MIPOL1: variants seen among roughly 807,000 people sequenced by gnomAD.
MIPOL1 encodes the protein mirror-image polydactyly 1.
MIPOL1 carries 57 observed loss-of-function variants against 60.9 expected under a neutral mutation model. The observed-to-expected ratio is 0.94, with a 90% confidence interval of 0.76 to 1.17. MIPOL1 has a LOEUF of 1.17. Among genes scored for constraint, MIPOL1 ranks in the 50% most tolerant of loss-of-function variants. MIPOL1 has a pLI of 0.00. For missense variants in MIPOL1, 551 were observed against 511.6 expected (o/e 1.08, Z -0.74); for synonymous variants, 179 against 168.8 (o/e 1.06, Z -0.47).
chr14:37,527,840 A>AAT (rs1021852020), intron 12 of MIPOL1, among the ~76,000 whole-genome samples: 18 of 152,038 alleles, frequency 1.2e-4, no homozygotes, highest in African/African-American at 2.9e-4. Context: ...AAACCTGCCT[A>AAT]ATATATATAT....
intron 12 of MIPOL1, among the ~76,000 whole-genome samples, chr14:37,508,508 T>C (rs2095299774): frequency 6.6e-6 from 1 of 152,170 alleles, no homozygotes; most frequent in Non-Finnish European, 1.5e-5. Context: ...TGAAAATAAA[T>C]AAAGACCTTC....
chr14:37,356,486 G>A (rs1474004345), intron 9 of MIPOL1, among the ~76,000 whole-genome samples: 2 of 152,160 alleles, frequency 1.3e-5, no homozygotes, highest in African/African-American at 4.8e-5. Flanking sequence ...CTGGGCAATG[G>A]CGGGCGCCCC....
chr14:37,463,419 C>T (rs1204518195), intron 11 of MIPOL1, among the ~76,000 whole-genome samples: 2 of 152,058 alleles, frequency 1.3e-5, no homozygotes, highest in Admixed American at 1.3e-4. Context: ...ACATATAGAT[C>T]AATGGAACAG....
At chr14:37,427,466 T>A (rs979439113) in intron 11 of MIPOL1, among the ~76,000 whole-genome samples, 2 of 152,096 alleles carry the variant, frequency 1.3e-5, no homozygotes, top group African/African-American at 4.8e-5. Context: ...TAGAGTGGGA[T>A]GATGAAAAGT....
chr14:37,551,877 A>AAATAATAATAATAATAAT (rs58440952), downstream of MIPOL1: 1 of 140,732 alleles, frequency 7.1e-6, no homozygotes, highest in Non-Finnish European at 1.5e-5. Context: ...AGACTGTCTC[A>AAATAATAATAATAATAAT]AATAATAATA....
At chr14:37,233,769 A>G (rs975778169) in intron 1 of MIPOL1, among the ~76,000 whole-genome samples, 1 of 152,090 alleles carries the variant, frequency 6.6e-6, no homozygotes, top group Non-Finnish European at 1.5e-5. Context: ...TTTTCTAGGC[A>G]TTTTTCTGCT....
rs770591815 is a variant in MIPOL1, at chr14:37,205,102, G to C, written c.-199+6998G>C. On this transcript the variant is annotated intron_variant, in intron 1 of 12. Transcript: ENST00000684589. ...TGATTTAAGATATCTGATGGAATAAGTTTTTTGTTTTTTTTTTTGAGACGG... is the reference window on the plus strand; with the variant it reads ...TGATTTAAGATATCTGATGGAATAACTTTTTTGTTTTTTTTTTTGAGACGG... 2.6e-5 allele frequency among the ~76,000 whole-genome samples: 4 copies of C among 151,766 alleles called. 1 individual carries two copies. The highest frequency in any genetic ancestry group is 5.9e-5 in the Non-Finnish European group (4 of 67,846).
At chr14:37,216,240 T>C (rs1967674398) in intron 1 of MIPOL1, among the ~76,000 whole-genome samples, 2 of 151,996 alleles carry the variant, frequency 1.3e-5, no homozygotes, top group South Asian at 4.2e-4. Flanking sequence ...ATATAACAAT[T>C]TAAAATATAT....
chr14:37,528,015 A>T (rs1040038220), intron 12 of MIPOL1, among the ~76,000 whole-genome samples: 3 of 152,064 alleles, frequency 2.0e-5, no homozygotes, highest in Admixed American at 2.0e-4. Flanking sequence ...CCTCATGTTC[A>T]CTTTAGCAGT....
chr14:37,346,900 G>A (rs929356738), intron 9 of MIPOL1, among the ~76,000 whole-genome samples: 2 of 152,050 alleles, frequency 1.3e-5, no homozygotes, highest in East Asian at 1.9e-4. Flanking sequence ...TAGCAAAGGG[G>A]GAAAAATTAT....
chr14:37,468,283 G>C (rs1004335243), intron 11 of MIPOL1, among the ~76,000 whole-genome samples: 3 of 151,988 alleles, frequency 2.0e-5, no homozygotes, highest in Non-Finnish European at 2.9e-5. Flanking sequence ...ACTGCCAGGG[G>C]GCTTCCAGTA....
chr14:37,425,206 T>A lies in MIPOL1; in HGVS notation c.1031+2257T>A, dbSNP rs913645583. 2.2e-4 allele frequency among the ~76,000 whole-genome samples: 34 copies of A among 152,156 alleles called. 1 individual carries two copies. Among genetic ancestry groups the A allele is most frequent in the African/African-American group, 7.0e-4 (29 of 41,444 alleles). On this transcript the variant is annotated intron_variant, in intron 11 of 12. Transcript: ENST00000684589. ...GACAGTAGGTGCTCTGTTGATGAAG[T>A]GACAGTGTCAGAGAATTCCAAGAGG... is the stretch of plus-strand genomic sequence containing the variant.
intron 11 of MIPOL1, among the ~76,000 whole-genome samples, chr14:37,487,627 A>G (rs922101190): frequency 1.5e-4 from 23 of 152,162 alleles, no homozygotes; most frequent in African/African-American, 5.6e-4. Context: ...ATTTGTGTAG[A>G]GGTGTTTATA....
At chr14:37,283,597 G>A (rs2084303961) in intron 6 of MIPOL1, among the ~76,000 whole-genome samples, 1 of 152,122 alleles carries the variant, frequency 6.6e-6, no homozygotes, top group Admixed American at 6.5e-5. Flanking sequence ...TTATTAATAT[G>A]TCTAGGAGTT....
chr14:37,259,047 A>G (rs1333821637), intron 3 of MIPOL1, among the ~76,000 whole-genome samples: 2 of 152,146 alleles, frequency 1.3e-5, no homozygotes, highest in Non-Finnish European at 2.9e-5. Context: ...TTATCTAAAT[A>G]TAACCATGTG....
intron 9 of MIPOL1, among the ~76,000 whole-genome samples, chr14:37,351,940 T>C (rs1199819190): frequency 2.7e-5 from 4 of 150,344 alleles, no homozygotes; most frequent in Admixed American, 6.7e-5. Context: ...TGTCTTTTGT[T>C]GCCATTGCTT....
At chr14:37,480,087 A>G (rs2094839516) in intron 11 of MIPOL1, among the ~76,000 whole-genome samples, 1 of 151,960 alleles carries the variant, frequency 6.6e-6, no homozygotes, top group Non-Finnish European at 1.5e-5. Context: ...TGACAACTTC[A>G]CTGCTGAATT....
At chr14:37,451,079 CCTCTA>C (rs758135581) in intron 11 of MIPOL1, among the ~76,000 whole-genome samples, 35 of 152,012 alleles carry the variant, frequency 2.3e-4, no homozygotes, top group Non-Finnish European at 4.3e-4. Context: ...TTATTTGTTT[CCTCTA>C]CTCAAATTAT....
At chr14:37,360,564 G>C (rs187719996) in intron 9 of MIPOL1, among the ~76,000 whole-genome samples, 2 of 152,098 alleles carry the variant, frequency 1.3e-5, no homozygotes, top group Admixed American at 1.3e-4. Flanking sequence ...ACGTGTCCAG[G>C]AATTCATCCA....
Sources: allele counts gnomAD v4.1 joint callset (sites outside exome capture counted in the v4.1 genomes callset), GRCh38; gene constraint gnomAD v4.1.1; transcripts MANE v1.5; gene names NCBI Gene and HGNC (gene_info 2026-07-23, HGNC 2026-07-21).